PSD3: variants seen among roughly 807,000 people sequenced by gnomAD.
PSD3 encodes the protein pleckstrin and Sec7 domain containing 3, also known as PH and SEC7 domain-containing protein 3.
Under a neutral mutation model 105.5 loss-of-function variants are expected in PSD3, and 49 were observed. The observed-to-expected ratio is 0.46, with a 90% CI of 0.37 to 0.59. PSD3 has a LOEUF of 0.59. PSD3 is among the 20% of genes least tolerant of loss of function. The pLI, the probability that PSD3 is intolerant of heterozygous loss-of-function variation, is 0.00. For missense variants in PSD3, 1,561 were observed against 1,263.8 expected, an observed-to-expected ratio of 1.24 and a Z score of -3.57; for synonymous variants, 557 against 457.8, an observed-to-expected ratio of 1.22 and a Z score of -2.77.
At chr8:18,855,428 T>C (rs1235971374) in intron 4 of PSD3, among the ~76,000 whole-genome samples, 1 of 151,388 alleles carries the variant, frequency 6.6e-6, no homozygotes, top group Admixed American at 6.6e-5. Flanking sequence ...AATAGAAAAA[T>C]GAAAAAAATA....
chr8:18,891,240 T>C (rs1002034129), intron 2 of PSD3, among the ~76,000 whole-genome samples: 1 of 152,214 alleles, frequency 6.6e-6, no homozygotes, highest in African/African-American at 2.4e-5. Flanking sequence ...ATATTGAATA[T>C]TTAAATTTTT....
chr8:18,632,608 C>A lies in PSD3; in HGVS notation c.2410+5G>T. Reference sequence around the variant, plus strand: ...AAATAGAAAATGACAACGCATGATACTTACTCTTCTTTCCATCCATATCTG... The same window carrying A: ...AAATAGAAAATGACAACGCATGATAATTACTCTTCTTTCCATCCATATCTG... On this transcript the variant is annotated splice_donor_5th_base_variant and intron_variant, in intron 11 of 15. Transcript: ENST00000327040. 6.2e-7 allele frequency: 1 copy of A among 1,605,784 alleles called. No individual in the cohort carries two copies. Among genetic ancestry groups the A allele is most frequent in the Non-Finnish European group, 8.5e-7 (1 of 1,175,768 alleles).
rs953065997 is a variant in PSD3, at chr8:18,586,261, G to A, written c.2482-10976C>T. Among the ~76,000 whole-genome samples the A allele has an allele frequency of 9.1e-4, 139 of 152,284 alleles. 2 individuals carry two copies. Among genetic ancestry groups the A allele is most frequent in the Admixed American group, 9.0e-3 (137 of 15,290 alleles). On this transcript the variant is annotated intron_variant, in intron 12 of 15. Coordinates refer to ENST00000327040, the MANE Select transcript of PSD3 (RefSeq NM_015310.4). ...AAGAGGTTGAGCGAATGGAGACTGTGAGGACTTGGCACTCGCTCCTGTGTA... is the reference window on the plus strand; with the variant it reads ...AAGAGGTTGAGCGAATGGAGACTGTAAGGACTTGGCACTCGCTCCTGTGTA...
chr8:18,809,959 T>C (rs111337977), intron 4 of PSD3, among the ~76,000 whole-genome samples: 131 of 152,340 alleles, frequency 8.6e-4, no homozygotes, highest in Middle Eastern at 3.4e-3. Flanking sequence ...GTAGCCACTT[T>C]ACACAAATCC....
intron 8 of PSD3, among the ~76,000 whole-genome samples, chr8:18,770,385 A>G (rs998930434): frequency 6.6e-5 from 10 of 152,144 alleles, no homozygotes; most frequent in Non-Finnish European, 1.0e-4. Context: ...CTTATCACAT[A>G]TGTACTTTAA....
intron 11 of PSD3, among the ~76,000 whole-genome samples, chr8:18,624,456 G>C (rs190769518): frequency 4.0e-4 from 57 of 141,970 alleles, no homozygotes; most frequent in African/African-American, 1.5e-3. Context: ...TTTTTTATAA[G>C]TAATTTAAAA....
At chr8:18,942,360 T>TG in intron 1 of PSD3, among the ~76,000 whole-genome samples, 1 of 152,268 alleles carries the variant, frequency 6.6e-6, no homozygotes, top group Non-Finnish European at 1.5e-5. Flanking sequence ...TCTGCTCCCA[T>TG]TGCCCAGCAG....
At chr8:18,778,023 T>G (rs975111657) in intron 8 of PSD3, among the ~76,000 whole-genome samples, 5 of 152,214 alleles carry the variant, frequency 3.3e-5, no homozygotes, top group African/African-American at 9.6e-5. Flanking sequence ...ATATGTTACA[T>G]TTTCTTTGTG....
intron 9 of PSD3, among the ~76,000 whole-genome samples, chr8:18,710,244 A>G (rs1802168899): frequency 6.6e-6 from 1 of 152,236 alleles, no homozygotes; most frequent in African/African-American, 2.4e-5. Context: ...AGAGAATCTC[A>G]GAGGTGAAGA....
intron 15 of PSD3, among the ~76,000 whole-genome samples, chr8:18,542,775 G>A (rs1167463032): frequency 6.6e-6 from 1 of 152,140 alleles, no homozygotes; most frequent in African/African-American, 2.4e-5. Context: ...TCTTCATAAT[G>A]TAGCCCTTTC....
chr8:18,607,784 G>C (rs1339527105), intron 11 of PSD3, among the ~76,000 whole-genome samples: 1 of 151,840 alleles, frequency 6.6e-6, no homozygotes, highest in Non-Finnish European at 1.5e-5. Context: ...ATTTATAAAG[G>C]GAAGAGGTTT....
At chr8:18,767,695 A>G (rs1585898235) in intron 8 of PSD3, among the ~76,000 whole-genome samples, 1 of 151,814 alleles carries the variant, frequency 6.6e-6, no homozygotes, top group South Asian at 2.1e-4. Flanking sequence ...TGCAGTGAGC[A>G]GAGATCGTGC....
Position 18,535,787 on chromosome 8 carries a change from C to T in PSD3, c.3100G>A (p.Asp1034Asn). ...ATGCTTGGTGTTTCAGGTCGGTGAT[C>T]CTTCCTCTCTGACACGTTACGCTTG... ...KVKRNVSERK[D>N]HRPETPSIKQ... The change falls in exon 16 of 16, where the codon GAT becomes AAT. Residue 1034 changes from aspartate (D) to asparagine (N), a missense_variant. Asp to Asn is a conservative substitution (Grantham distance 23, BLOSUM62 1). Transcript: ENST00000327040. 1.2e-6 allele frequency: 2 copies of T among 1,614,092 alleles called. No individual in the cohort carries two copies. The highest frequency in any genetic ancestry group is 1.1e-5 in the South Asian group (1 of 91,082).
At chr8:18,821,718 C>CACACACA (rs1554513426) in intron 4 of PSD3, among the ~76,000 whole-genome samples, 6 of 64,384 alleles carry the variant, frequency 9.3e-5, no homozygotes, top group South Asian at 3.8e-4. Context: ...CACACACACA[C>CACACACA]CCCAATAACA....
intron 1 of PSD3, among the ~76,000 whole-genome samples, chr8:19,058,835 A>T (rs1166348258): frequency 6.6e-6 from 1 of 152,186 alleles, no homozygotes; most frequent in Non-Finnish European, 1.5e-5. Flanking sequence ...GGAAAGAGGA[A>T]GTGAGGATGT....
At chr8:18,959,776 G>T (rs944531412) in intron 1 of PSD3, among the ~76,000 whole-genome samples, 2 of 152,160 alleles carry the variant, frequency 1.3e-5, no homozygotes, top group East Asian at 1.9e-4. Flanking sequence ...CGCCAGCAAG[G>T]CCAGGTCTGT....
At chr8:18,978,342 CATG>C (rs1355607379) in intron 1 of PSD3, among the ~76,000 whole-genome samples, 1 of 152,174 alleles carries the variant, frequency 6.6e-6, no homozygotes, top group African/African-American at 2.4e-5. Context: ...AATCATTTTG[CATG>C]ATGACTTCTC....
intron 2 of PSD3, among the ~76,000 whole-genome samples, chr8:18,906,208 G>A (rs533348004): frequency 1.3e-5 from 2 of 152,104 alleles, no homozygotes; most frequent in South Asian, 4.1e-4. Flanking sequence ...ACATTTATAC[G>A]AATTTTTCAT....
chr8:18,740,459 C>T (rs1804478156), intron 9 of PSD3, among the ~76,000 whole-genome samples: 1 of 152,102 alleles, frequency 6.6e-6, no homozygotes, highest in South Asian at 2.1e-4. Flanking sequence ...ATCCATCACA[C>T]CTTCAGTCCT....
Sources: gnomAD v4.1 joint callset for allele counts (sites outside exome capture counted in the v4.1 genomes callset) on GRCh38, gnomAD v4.1.1 for gene constraint, MANE v1.5 for transcripts, NCBI Gene and HGNC (gene_info 2026-07-23, HGNC 2026-07-21) for gene names.